ZNF536: variants seen among roughly 807,000 people sequenced by gnomAD.
ZNF536 encodes zinc finger protein 536.
In ZNF536, 13 loss-of-function variants were observed where a neutral mutation model predicts 84.5. The observed-to-expected ratio is 0.15, with a 90% CI of 0.10 to 0.24. The LOEUF is 0.24. Among genes scored for constraint, ZNF536 ranks in the 10% least tolerant of loss-of-function variants. The probability of loss-of-function intolerance (pLI) is 1.00; values close to 1 mark genes in which losing one functional copy is unlikely to be tolerated. For missense variants in ZNF536, 1,536 were observed against 1,747.5 expected (o/e 0.88, Z 2.16); for synonymous variants, 811 against 742.5 (o/e 1.09, Z -1.50).
At chr19:30,496,124 G>C (rs1041695941) in intron 2 of ZNF536, among the ~76,000 whole-genome samples, 1 of 152,146 alleles carries the variant, frequency 6.6e-6, no homozygotes, top group Non-Finnish European at 1.5e-5. Flanking sequence ...CAGGTGTAAG[G>C]AGGGCTTGAG....
chr19:30,631,100 G>T (rs1012786253), intron 1 of ZNF536, among the ~76,000 whole-genome samples: 1 of 152,188 alleles, frequency 6.6e-6, no homozygotes, highest in Non-Finnish European at 1.5e-5. Context: ...GGGCCGTGCA[G>T]CCGGGCACTC....
At chr19:30,543,542 A>G (rs1032222375) in intron 3 of ZNF536, among the ~76,000 whole-genome samples, 1 of 152,334 alleles carries the variant, frequency 6.6e-6, no homozygotes, top group East Asian at 1.9e-4. Flanking sequence ...GGATCTGGCC[A>G]TGTCCGGAGG....
chr19:30,637,935 T>C (rs535096108), intron 1 of ZNF536, among the ~76,000 whole-genome samples: 3 of 152,290 alleles, frequency 2.0e-5, no homozygotes, highest in Admixed American at 6.5e-5. Context: ...ATAGATTGCC[T>C]CTGTACTTTG....
chr19:30,649,565 T>C (rs1289841334), intron 1 of ZNF536, among the ~76,000 whole-genome samples: 1 of 151,548 alleles, frequency 6.6e-6, no homozygotes, highest in African/African-American at 2.4e-5. Flanking sequence ...TTTTTTTTTT[T>C]TTGCTATTGT....
At chr19:30,417,559 C>T (rs143524404) in intron 1 of ZNF536, among the ~76,000 whole-genome samples, 1 of 151,920 alleles carries the variant, frequency 6.6e-6, no homozygotes, top group East Asian at 1.9e-4. Context: ...TACAAACATA[C>T]CATTAGAAAA....
At chr19:30,263,190 A>C (rs941333497) in intron 1 of ZNF536, among the ~76,000 whole-genome samples, 4 of 152,224 alleles carry the variant, frequency 2.6e-5, no homozygotes, top group Admixed American at 1.3e-4. Context: ...CAAACAGTAC[A>C]TGCTCAATAA....
chr19:30,271,332 G>A (rs2025840953), intron 1 of ZNF536, among the ~76,000 whole-genome samples: 1 of 131,130 alleles, frequency 7.6e-6, no homozygotes, highest in Non-Finnish European at 1.5e-5. Flanking sequence ...TAAAGCATGA[G>A]AGATGCTTGA....
chr19:30,502,360 T>C (rs1216440483), intron 2 of ZNF536, among the ~76,000 whole-genome samples: 1 of 152,122 alleles, frequency 6.6e-6, no homozygotes, highest in African/African-American at 2.4e-5. Flanking sequence ...TTTTTTTAGC[T>C]AGCTAGCACC....
intron 4 of ZNF536, among the ~76,000 whole-genome samples, chr19:30,551,731 A>C (rs1355799499): frequency 2.0e-5 from 3 of 152,066 alleles, no homozygotes; most frequent in East Asian, 1.9e-4. Context: ...ATTTTTAGAG[A>C]GTGTGAGTTC....
At chr19:30,530,501 C>T (rs2145866663) in intron 2 of ZNF536, among the ~76,000 whole-genome samples, 1 of 152,294 alleles carries the variant, frequency 6.6e-6, no homozygotes, top group Middle Eastern at 3.4e-3. Context: ...CACGCACCAT[C>T]ATGCCTGGCT....
chr19:30,292,104 C>T (rs958204741), intron 2 of ZNF536, among the ~76,000 whole-genome samples: 3 of 152,098 alleles, frequency 2.0e-5, no homozygotes, highest in African/African-American at 7.2e-5. Context: ...CCAATCCTGC[C>T]CTATGGTAAG....
intron 3 of ZNF536, among the ~76,000 whole-genome samples, chr19:30,362,535 C>T (rs958692416): frequency 7.9e-5 from 12 of 152,154 alleles, no homozygotes; most frequent in East Asian, 1.9e-4. Context: ...GGAAGGAAGT[C>T]GTGCAGGGGC....
chr19:30,311,740 C>G (rs1312917673), intron 2 of ZNF536, among the ~76,000 whole-genome samples: 1 of 152,000 alleles, frequency 6.6e-6, no homozygotes, highest in African/African-American at 2.4e-5. Flanking sequence ...AGTTATGTTT[C>G]CCTGAGTCAC....
chr19:30,227,854 C>T (rs929602726), upstream of ZNF536, among the ~76,000 whole-genome samples: 3 of 149,914 alleles, frequency 2.0e-5, no homozygotes, highest in African/African-American at 7.4e-5. Flanking sequence ...CCTGGTCGGC[C>T]GGTGTAGAGG....
intron 2 of ZNF536, among the ~76,000 whole-genome samples, chr19:30,469,011 A>T (rs1438071690): frequency 6.6e-6 from 1 of 152,106 alleles, no homozygotes; most frequent in Admixed American, 6.5e-5. Context: ...GAAGACCCAG[A>T]TACCCATGAC....
chr19:30,423,387 C>T (rs1007267315), intron 1 of ZNF536, among the ~76,000 whole-genome samples: 2 of 152,118 alleles, frequency 1.3e-5, no homozygotes, highest in Non-Finnish European at 2.9e-5. Context: ...CTCCAGCACT[C>T]AGGTATCCAA....
At chr19:30,627,216 A>C (rs1174765194) in intron 1 of ZNF536, among the ~76,000 whole-genome samples, 1 of 151,992 alleles carries the variant, frequency 6.6e-6, no homozygotes, top group Non-Finnish European at 1.5e-5. Context: ...CTATCATCCC[A>C]ACACTTTGGT....
At chr19:30,516,945 G>A (rs1200905908) in intron 2 of ZNF536, among the ~76,000 whole-genome samples, 1 of 152,090 alleles carries the variant, frequency 6.6e-6, no homozygotes, top group Admixed American at 6.6e-5. Context: ...AGATCCCAAG[G>A]CCAGTGCAGC....
At chr19:30,600,267 A>G (rs1194267357) in intron 1 of ZNF536, among the ~76,000 whole-genome samples, 1 of 151,604 alleles carries the variant, frequency 6.6e-6, no homozygotes, top group Non-Finnish European at 1.5e-5. Flanking sequence ...TATTTTTTGT[A>G]TTTTTAGTAG....
Sources: allele counts gnomAD v4.1 joint callset (sites outside exome capture counted in the v4.1 genomes callset), GRCh38; gene constraint gnomAD v4.1.1; transcripts MANE v1.5; gene names NCBI Gene and HGNC (gene_info 2026-07-23, HGNC 2026-07-21).